MAPK4: variants seen among roughly 807,000 people sequenced by gnomAD.
The protein encoded by MAPK4 is mitogen-activated protein kinase 4, also known as Erk3-related.
In MAPK4, 22 loss-of-function variants were observed where a neutral mutation model predicts 47.7. The observed-to-expected ratio is 0.46, with a 90% CI of 0.33 to 0.66. The LOEUF (loss-of-function observed/expected upper bound fraction) is 0.66. Among genes scored for constraint, MAPK4 ranks in the 30% least tolerant of loss-of-function variants. The pLI, the probability that MAPK4 is intolerant of heterozygous loss-of-function variation, is 0.02. For missense variants in MAPK4, 736 were observed against 831.7 expected, an observed-to-expected ratio of 0.88 and a Z score of 1.42; for synonymous variants, 390 against 365.7, an observed-to-expected ratio of 1.07 and a Z score of -0.76.
intron 2 of MAPK4, among the ~76,000 whole-genome samples, chr18:50,679,906 T>A (rs1908488203): frequency 6.6e-6 from 1 of 151,876 alleles, no homozygotes; most frequent in Non-Finnish European, 1.5e-5. Context: ...GCTGTCCTCC[T>A]CTACTGTCCC....
At chr18:50,673,070 A>G (rs936792660) in intron 2 of MAPK4, among the ~76,000 whole-genome samples, 3 of 152,120 alleles carry the variant, frequency 2.0e-5, no homozygotes, top group Non-Finnish European at 2.9e-5. Flanking sequence ...TGAGGTCAGG[A>G]GTTCAAGACC....
At position 50,729,532 on chromosome 18, in the gene MAPK4, C is replaced by T; in HGVS notation, c.1442C>T (p.Ala481Val). The T allele has an allele frequency of 7.0e-7, 1 of 1,428,584 alleles. No individual in the cohort carries two copies. Among genetic ancestry groups the T allele is most frequent in the East Asian group, 2.6e-5 (1 of 38,896 alleles). 88.5% of individuals were successfully genotyped at this position (1,428,584 alleles called of 1,614,324 possible). Residue 481 changes from alanine (A) to valine (V), a missense_variant, in exon 6 of 6, where the codon GCG becomes GTG. By Grantham distance (64) the Ala-to-Val change is moderately conservative (BLOSUM62 0). Coordinates refer to ENST00000400384, the MANE Select transcript of MAPK4 (RefSeq NM_002747.4). ...GCCACGGGGCTGGCGGACACGGGGG[C>T]GCGCGAGGACGAGCCGGCCAGCCTC... ...PTATGLADTG[A>V]REDEPASLFL...
At chr18:50,612,672 T>C (rs539538702) in intron 1 of MAPK4, among the ~76,000 whole-genome samples, 1 of 152,322 alleles carries the variant, frequency 6.6e-6, no homozygotes, top group South Asian at 2.1e-4. Context: ...ATTGGGGTCA[T>C]CTTCTGTGTA....
intron 2 of MAPK4, among the ~76,000 whole-genome samples, chr18:50,676,751 A>C (rs1908296062): frequency 6.6e-6 from 1 of 152,258 alleles, no homozygotes; most frequent in Non-Finnish European, 1.5e-5. Context: ...GAATTGTTAC[A>C]CGAGTATGTT....
intron 2 of MAPK4, among the ~76,000 whole-genome samples, chr18:50,702,679 T>C (rs545458693): frequency 1.3e-5 from 2 of 152,310 alleles, no homozygotes; most frequent in South Asian, 4.1e-4. Context: ...CCCTTTTCTG[T>C]TTCCTTCTTC....
Position 50,729,214 on chromosome 18 carries a change from C to T in MAPK4, c.1124C>T (p.Ala375Val), listed in dbSNP as rs1911377740. ...LEWRPDRCQD[A>V]SEVQRDPRAG... ...TGGCGGCCTGACCGGTGCCAGGACG[C>T]CAGCGAGGTACAGCGCGACCCGCGC... Residue 375 changes from alanine to valine, a missense_variant, in exon 6 of 6, where the codon GCC becomes GTC. Ala to Val is a moderately conservative substitution (Grantham distance 64). This residue lies in a region of MAPK4 where 377 missense variants were observed against 378.6 expected (regional missense o/e 1.00). Transcript: ENST00000400384. 1 of 1,599,866 alleles carries T rather than the reference C, an allele frequency of 6.3e-7. No homozygotes were observed. The highest frequency in any genetic ancestry group is 1.3e-5 in the African/African-American group (1 of 74,632).
At chr18:50,707,464 G>A (rs940363259) in intron 2 of MAPK4, among the ~76,000 whole-genome samples, 1 of 151,748 alleles carries the variant, frequency 6.6e-6, no homozygotes, top group Non-Finnish European at 1.5e-5. Flanking sequence ...CAGTCACTCT[G>A]GGGGGTTAAA....
intron 1 of MAPK4, among the ~76,000 whole-genome samples, chr18:50,568,121 A>G (rs907448467): frequency 6.6e-6 from 1 of 151,330 alleles, no homozygotes; most frequent in Admixed American, 6.6e-5. Context: ...GCATGAACCC[A>G]GGAGGTGGAG....
intron 1 of MAPK4, among the ~76,000 whole-genome samples, chr18:50,577,579 ATTACCTTGTGCAGGG>A (rs1007028727): frequency 6.6e-6 from 1 of 152,162 alleles, no homozygotes; most frequent in African/African-American, 2.4e-5. Flanking sequence ...AATCACCAGG[ATTACCTTGTGCAGGG>A]TTACCTTGTG....
At chr18:50,575,156 T>G (rs1374842617) in intron 1 of MAPK4, among the ~76,000 whole-genome samples, 1 of 152,196 alleles carries the variant, frequency 6.6e-6, no homozygotes, top group African/African-American at 2.4e-5. Context: ...GGAAGAAGTT[T>G]GGTCCCTTTC....
chr18:50,663,864 CAG>C lies in MAPK4; in HGVS notation c.-93_-92del. The C allele has an allele frequency of 9.1e-7, 1 of 1,102,214 alleles. No homozygotes were observed. Among genetic ancestry groups the C allele is most frequent in the East Asian group, 2.4e-5 (1 of 41,904 alleles). The allele number at this position is 1,102,214 out of a possible 1,614,324, so 68.3% of individuals were successfully genotyped here. A position where few individuals can be genotyped will look rare whatever the true frequency, so the allele number is the denominator to read the frequency against. On this transcript the variant is annotated 5_prime_UTR_variant, in exon 2 of 6. The change abolishes the stop of an existing upstream ORF in the 5' untranslated region. Coordinates refer to ENST00000400384, the MANE Select transcript of MAPK4 (RefSeq NM_002747.4). ...CACATCCCTCAGCCGTGGGACTTGA[CAG>C]AATGAGGTGCGCGAGGGAGGCCGCT...
intron 1 of MAPK4, among the ~76,000 whole-genome samples, chr18:50,623,496 C>A (rs1737407111): frequency 6.6e-6 from 1 of 152,188 alleles, no homozygotes; most frequent in East Asian, 1.9e-4. Context: ...GTGAATCTGT[C>A]AGCAGATCCC....
intron 1 of MAPK4, among the ~76,000 whole-genome samples, chr18:50,617,642 T>C (rs1235198814): frequency 6.6e-6 from 1 of 152,202 alleles, no homozygotes; most frequent in Non-Finnish European, 1.5e-5. Context: ...AGATCATTGA[T>C]TATAACTCTC....
chr18:50,639,025 G>A (rs535821454), intron 1 of MAPK4, among the ~76,000 whole-genome samples: 1 of 152,310 alleles, frequency 6.6e-6, no homozygotes, highest in African/African-American at 2.4e-5. Flanking sequence ...CACAACCTGG[G>A]AATGTCATGT....
intron 1 of MAPK4, among the ~76,000 whole-genome samples, chr18:50,656,622 G>A (rs1285852362): frequency 6.6e-6 from 1 of 152,168 alleles, no homozygotes; most frequent in Non-Finnish European, 1.5e-5. Flanking sequence ...TGAAAACCAG[G>A]ATCACTGGGG....
intron 1 of MAPK4, among the ~76,000 whole-genome samples, chr18:50,610,399 G>A (rs1205875487): frequency 1.3e-5 from 2 of 152,228 alleles, no homozygotes; most frequent in African/African-American, 4.8e-5. Flanking sequence ...GAGGCTGCTG[G>A]TACCTCTGAG....
intron 2 of MAPK4, among the ~76,000 whole-genome samples, chr18:50,682,108 T>G (rs1176605091): frequency 6.6e-5 from 10 of 151,870 alleles, no homozygotes; most frequent in Admixed American, 5.2e-4. Flanking sequence ...GAGTATGGAG[T>G]TTTTTGTTAG....
At chr18:50,629,671 G>A (rs1403191660) in intron 1 of MAPK4, 1 of 152,230 alleles carries the variant, frequency 6.6e-6, no homozygotes, top group African/African-American at 2.4e-5. Context: ...ATCCGTCTTT[G>A]AGGCTGGACC....
At chr18:50,588,898 G>A (rs915072664) in intron 1 of MAPK4, among the ~76,000 whole-genome samples, 2 of 152,130 alleles carry the variant, frequency 1.3e-5, no homozygotes, top group Admixed American at 6.5e-5. Flanking sequence ...GTGAACATAC[G>A]GTAATGGGAA....
Sources: gnomAD v4.1 joint callset for allele counts (sites outside exome capture counted in the v4.1 genomes callset) on GRCh38, gnomAD v4.1.1 for gene constraint, gnomAD v4.1.1 regional missense constraint, MANE v1.5 for transcripts, NCBI Gene and HGNC (gene_info 2026-07-23, HGNC 2026-07-21) for gene names.